The following CACNG2 variants were observed in gnomAD, a reference collection of about 807,000 sequenced individuals.
CACNG2 encodes calcium voltage-gated channel auxiliary subunit gamma 2.
In CACNG2, 3 loss-of-function variants were observed where a neutral mutation model predicts 25.9. That is an observed-to-expected ratio of 0.12 (90% CI 0.05 to 0.30). The LOEUF (loss-of-function observed/expected upper bound fraction) is 0.30. Ranked by LOEUF, CACNG2 falls within the 10% of genes least tolerant of loss-of-function variation. CACNG2 has a pLI of 1.00. For missense variants in CACNG2, 341 were observed against 432.5 expected (o/e 0.79, Z 1.88); for synonymous variants, 167 against 173.3 (o/e 0.96, Z 0.29).
At chr22:36,672,403 C>T (rs1311553258) in intron 1 of CACNG2, among the ~76,000 whole-genome samples, 2 of 152,192 alleles carry the variant, frequency 1.3e-5, no homozygotes, top group Non-Finnish European at 2.9e-5. Flanking sequence ...AGCCGTCCTC[C>T]TGCCTTGGCC....
chr22:36,587,548 C>G lies in CACNG2; in HGVS notation c.212G>C (p.Gly71Ala). The G allele has an allele frequency of 1.2e-6, 2 of 1,610,658 alleles. No individual in the cohort carries two copies. Reference sequence around the variant, plus strand: ...TTGCTTGCACAGACCTTTGAAATTCCCTGCAAAACAAGGGGAGAAGGAGCA... The same window carrying G: ...TTGCTTGCACAGACCTTTGAAATTCGCTGCAAAACAAGGGGAGAAGGAGCA... ...SGLWRTCCLEGNFKGLCKQID... is the reference protein window; with the variant it reads ...SGLWRTCCLEANFKGLCKQID... Residue 71 changes from glycine (G) to alanine (A), a missense_variant and splice_region_variant, in exon 2 of 4, where the codon GGG (glycine) becomes GCG (alanine). By Grantham distance (60) the Gly-to-Ala change is moderately conservative. Around this residue, in one of 2 missense-constraint regions of CACNG2, gnomAD observed 169 missense variants for 254.4 expected, o/e 0.66. Transcript: ENST00000300105.
rs1324476063 is a variant in CACNG2 at position 36,606,564 on chromosome 22, C to T, written c.212-19016G>A. 6.6e-6 allele frequency among the ~76,000 whole-genome samples: 1 copy of T among 150,682 alleles called. No individual in the cohort carries two copies. Among genetic ancestry groups the T allele is most frequent in the East Asian group, 1.9e-4 (1 of 5,164 alleles). ...GTGCATGGCATAATCTGGGTACTGG[C>T]AGGTTGTCAGGAAGGCTTCCTGGAA... On this transcript the variant is annotated intron_variant, in intron 1 of 3. Coordinates refer to ENST00000300105, the MANE Select transcript of CACNG2 (RefSeq NM_006078.5). The surrounding 1 kb of genome is among the most constrained non-coding windows in gnomAD (Gnocchi z 5.7).
At chr22:36,621,740 G>C (rs1248902459) in intron 1 of CACNG2, among the ~76,000 whole-genome samples, 1 of 152,108 alleles carries the variant, frequency 6.6e-6, no homozygotes, top group African/African-American at 2.4e-5. Context: ...GTCCTCCCCT[G>C]CCAGTGCAGG....
chr22:36,668,792 C>T (rs572942911), intron 1 of CACNG2, among the ~76,000 whole-genome samples: 2 of 152,212 alleles, frequency 1.3e-5, no homozygotes, highest in East Asian at 1.9e-4. Flanking sequence ...CTTACACCAC[C>T]GGGCCCAGCC....
At chr22:36,570,944 G>T (rs537028413) in intron 2 of CACNG2, among the ~76,000 whole-genome samples, 1 of 152,124 alleles carries the variant, frequency 6.6e-6, no homozygotes, top group East Asian at 1.9e-4. Flanking sequence ...TGTCACAAAC[G>T]GAATGGGGAT....
intron 1 of CACNG2, among the ~76,000 whole-genome samples, chr22:36,588,824 C>A (rs1490357691): frequency 6.6e-6 from 1 of 152,140 alleles, no homozygotes; most frequent in African/African-American, 2.4e-5. Flanking sequence ...CTGTGTCCAG[C>A]CACCAACATA....
chr22:36,567,506 A>C (rs1935145814), intron 2 of CACNG2, among the ~76,000 whole-genome samples: 1 of 152,148 alleles, frequency 6.6e-6, no homozygotes, highest in South Asian at 2.1e-4. Flanking sequence ...AAGGACTGAC[A>C]AACAGGACCG....
In CACNG2 at chr22:36,606,288, T is replaced by C. The variant is rs1451070260; in HGVS notation, c.212-18740A>G. 1.3e-5 allele frequency among the ~76,000 whole-genome samples: 2 copies of C among 152,190 alleles called. No homozygotes were observed. Among genetic ancestry groups the C allele is most frequent in the African/African-American group, 4.8e-5 (2 of 41,442 alleles). On this transcript the variant is annotated intron_variant, in intron 1 of 3. Transcript: ENST00000300105. This position sits in a 1 kb window ranked among gnomAD's most constrained non-coding sequence, Gnocchi z 5.7. ...CAAGGGCAGCGAGGGCGTTGGCTGG[T>C]CGCCGGGAACAAGCTGCCATGAGCC...
intron 1 of CACNG2, among the ~76,000 whole-genome samples, chr22:36,681,997 C>T (rs564654969): frequency 6.6e-6 from 1 of 152,358 alleles, no homozygotes; most frequent in South Asian, 2.1e-4. Flanking sequence ...CTACCATCAG[C>T]CCATCTTCAT....
At chr22:36,678,014 T>G (rs771852917) in intron 1 of CACNG2, among the ~76,000 whole-genome samples, 23 of 152,200 alleles carry the variant, frequency 1.5e-4, no homozygotes, top group Non-Finnish European at 3.4e-4. Context: ...CAGCTTTTAT[T>G]TACAAAATGT....
intron 1 of CACNG2, among the ~76,000 whole-genome samples, chr22:36,697,475 G>A (rs1214537900): frequency 6.6e-6 from 1 of 152,206 alleles, no homozygotes; most frequent in African/African-American, 2.4e-5. Context: ...GTAGCCCGAT[G>A]AGTCATAAGG....
chr22:36,598,086 A>G (rs1298515719), intron 1 of CACNG2, among the ~76,000 whole-genome samples: 1 of 152,218 alleles, frequency 6.6e-6, no homozygotes, highest in Non-Finnish European at 1.5e-5. Context: ...ACTTCACTGC[A>G]GTGTGTCTCT....
chr22:36,652,435 T>C (rs1936633093), intron 1 of CACNG2, among the ~76,000 whole-genome samples: 2 of 152,176 alleles, frequency 1.3e-5, no homozygotes, highest in African/African-American at 4.8e-5. Flanking sequence ...CCTGCAAACA[T>C]GTTTTCTGTT....
intron 1 of CACNG2, among the ~76,000 whole-genome samples, chr22:36,669,096 T>A (rs1350195880): frequency 6.6e-6 from 1 of 152,036 alleles, no homozygotes; most frequent in Non-Finnish European, 1.5e-5. Flanking sequence ...CCCAGTTGAG[T>A]TGACACATAT....
chr22:36,640,111 C>T lies in CACNG2; in HGVS notation c.212-52563G>A, dbSNP rs560223256. On this transcript the variant is annotated intron_variant, in intron 1 of 3. Transcript: ENST00000300105. ...AGTAGGGACTCTGGGACCCAGACTT[C>T]CAGGGTTCATATCCCAGCCCTATCA... Among the ~76,000 whole-genome samples, 13 of 152,248 alleles carry T rather than the reference C, an allele frequency of 8.5e-5. No individual in the cohort carries two copies. In the East Asian group the frequency reaches 2.3e-3, roughly 27 times the overall value.
At chr22:36,672,304 A>G (rs1374181777) in intron 1 of CACNG2, among the ~76,000 whole-genome samples, 7 of 152,114 alleles carry the variant, frequency 4.6e-5, no homozygotes, top group Non-Finnish European at 1.0e-4. Flanking sequence ...CTACAGGTGC[A>G]CACCATACCA....
At chr22:36,576,638 A>G (rs1935320578) in intron 2 of CACNG2, among the ~76,000 whole-genome samples, 1 of 151,898 alleles carries the variant, frequency 6.6e-6, no homozygotes, top group Non-Finnish European at 1.5e-5. Context: ...GACCTCAAAG[A>G]AGAAAGAGGA....
At chr22:36,588,323 C>A (rs560024857) in intron 1 of CACNG2, among the ~76,000 whole-genome samples, 5 of 152,178 alleles carry the variant, frequency 3.3e-5, no homozygotes, top group Non-Finnish European at 7.3e-5. Flanking sequence ...TCCTCGGTGC[C>A]TGCTGGGAAG....
intron 2 of CACNG2, among the ~76,000 whole-genome samples, chr22:36,574,800 C>A (rs113718027): frequency 5.8e-5 from 1 of 17,298 alleles, no homozygotes; most frequent in African/African-American, 1.4e-4. Context: ...CAAAACAAAA[C>A]CAAAACAAAA....
Sources: gnomAD v4.1 joint callset for allele counts (sites outside exome capture counted in the v4.1 genomes callset) on GRCh38, gnomAD v4.1.1 for gene constraint, gnomAD v4.1.1 regional missense constraint, Gnocchi (gnomAD v3.1) non-coding constraint, MANE v1.5 for transcripts, NCBI Gene and HGNC (gene_info 2026-07-23, HGNC 2026-07-21) for gene names.